Variants in TRAPPC14 observed in about 807,000 individuals in gnomAD.
TRAPPC14 encodes microtubule associated protein 11.
In TRAPPC14, 24 loss-of-function variants were observed where a neutral mutation model predicts 56.6. That is an observed-to-expected ratio of 0.42 (90% confidence interval 0.31 to 0.60). TRAPPC14 has a LOEUF of 0.60. Ranked by LOEUF, TRAPPC14 falls within the 20% of genes least tolerant of loss-of-function variation. The pLI, the probability that TRAPPC14 is intolerant of heterozygous loss-of-function variation, is 0.14. For missense variants in TRAPPC14, 615 were observed against 790.3 expected (o/e 0.78, Z 2.66); for synonymous variants, 377 against 347.0 (o/e 1.09, Z -0.96).
rs765088877 is a variant in TRAPPC14 at position 100,157,150 on chromosome 7, G to A, written c.789C>T (p.Asn263=). Residue 263 remains asparagine (N), a synonymous_variant, in exon 5 of 11, where the codon AAC becomes AAT. Coordinates refer to ENST00000316937, the MANE Select transcript of TRAPPC14 (RefSeq NM_018275.5). The part of the protein sequence containing the change: ...IWDIRILPNF[N]ASYLPVMPDG... ...CGGGCATGACAGGTAGATAACTGGC[G>A]TTGAAGTTGGGGAGGATTCGGATAT... 48 of 1,614,080 alleles carry A rather than the reference G, an allele frequency of 3.0e-5. No individual in the cohort carries two copies. The highest frequency in any genetic ancestry group is 6.7e-5 in the Admixed American group (4 of 60,006).
At chr7:100,157,817 A>T (rs746944525) in intron 2 of TRAPPC14, 26 bp downstream of exon 2, 4 of 1,613,232 alleles carry the variant, frequency 2.5e-6, no homozygotes, top group Non-Finnish European at 3.4e-6. Flanking sequence ...GAATTAGGAC[A>T]ATAGCTCCAC....
Position 100,158,619 on chromosome 7 carries a change from G to T in TRAPPC14, c.-120C>A. 1 of 1,041,844 alleles carries T rather than the reference G, an allele frequency of 9.6e-7. No individual in the cohort carries two copies. The highest frequency in any genetic ancestry group is 1.2e-6 in the Non-Finnish European group (1 of 810,356). The allele number at this position is 1,041,844 out of a possible 1,614,324, so 64.5% of individuals were successfully genotyped here. A position where few individuals can be genotyped will look rare whatever the true frequency, so the allele number is the denominator to read the frequency against. ...GCTGCTGCGCCCGGCTGGGGCGGCC[G>T]GAGAGACCGGCCCGGTCCCGGCACC... On this transcript the variant is annotated 5_prime_UTR_variant, in exon 1 of 11. Transcript: ENST00000316937.
chr7:100,156,556 G>A lies in TRAPPC14; in HGVS notation c.1077-7C>T. The stretch of plus-strand genomic sequence containing the variant: ...CAAGCGGACACTGGGCAGGCTAGGA[G>A]TGGTGAGAGAGGGATGCTGGCTGTG... On this transcript the variant is annotated splice_polypyrimidine_tract_variant and splice_region_variant and intron_variant, in intron 7 of 10. Coordinates refer to ENST00000316937, the MANE Select transcript of TRAPPC14 (RefSeq NM_018275.5). 6.2e-7 allele frequency: 1 copy of A among 1,614,030 alleles called. No homozygotes were observed. The highest frequency in any genetic ancestry group is 8.5e-7 in the Non-Finnish European group (1 of 1,179,912).
chr7:100,158,052 C>T (rs1302523718), intron 1 of TRAPPC14, 37 bp downstream of exon 1: 3 of 1,410,740 alleles, frequency 2.1e-6, no homozygotes, highest in African/African-American at 2.9e-5. Context: ...AGCAAACCGC[C>T]CCTCCGTCCT....
chr7:100,156,300 G>C (rs1798879773), intron 8 of TRAPPC14, 86 bp downstream of exon 8: 1 of 1,411,830 alleles, frequency 7.1e-7, no homozygotes, highest in Admixed American at 1.9e-5. Context: ...CACCAAATTT[G>C]GCTGTTTTCA....
chr7:100,158,184 C>T lies in TRAPPC14; in HGVS notation c.316G>A (p.Gly106Arg), dbSNP rs1798925114. Reference protein sequence around the residue: ...GAGDQDSEPPGGGDPGGGGLF... With the variant: ...GAGDQDSEPPRGGDPGGGGLF... ...CCCCCACCCCCAGGATCCCCTCCCC[C>T]TGGGGGCTCCGAATCCTGGTCGCCG... Residue 106 changes from glycine to arginine, a missense_variant, in exon 1 of 11, where the codon GGG (glycine) becomes AGG (arginine). Coordinates refer to ENST00000316937, the MANE Select transcript of TRAPPC14 (RefSeq NM_018275.5). 24 of 1,455,668 alleles carry T rather than the reference C, an allele frequency of 1.6e-5. No homozygotes were observed. The highest frequency in any genetic ancestry group is 2.1e-5 in the Non-Finnish European group (23 of 1,112,254). 90.2% of individuals were successfully genotyped at this position (1,455,668 alleles called of 1,614,324 possible). A position where few individuals can be genotyped will look rare whatever the true frequency, so the allele number is the denominator to read the frequency against.
chr7:100,158,600 G>T lies in TRAPPC14; in HGVS notation c.-101C>A. 8.5e-6 allele frequency: 10 copies of T among 1,177,130 alleles called. No individual in the cohort carries two copies. The highest frequency in any genetic ancestry group is 1.1e-5 in the Non-Finnish European group (10 of 932,732). The allele number at this position is 1,177,130 out of a possible 1,614,324, so 72.9% of individuals were successfully genotyped here. A position where few individuals can be genotyped will look rare whatever the true frequency, so the allele number is the denominator to read the frequency against. ...GAGGGTCCCGACACCTCCGGCTGCT[G>T]CGCCCGGCTGGGGCGGCCGGAGAGA... On this transcript the variant is annotated 5_prime_UTR_variant, in exon 1 of 11. Transcript: ENST00000316937.
In TRAPPC14 at chr7:100,157,088, C is replaced by T. The variant is rs777968611; in HGVS notation, c.845+6G>A. The T allele has an allele frequency of 6.2e-6, 10 of 1,614,024 alleles. No homozygotes were observed. The highest frequency in any genetic ancestry group is 7.6e-6 in the Non-Finnish European group (9 of 1,179,996). The stretch of plus-strand genomic sequence containing the variant: ...CTTCACAGCCTCGCCCCTCCCAGGA[C>T]CTCACCAGACATTGTCCACCAGCAG... On this transcript the variant is annotated splice_donor_region_variant and intron_variant, in intron 5 of 10. Coordinates refer to ENST00000316937, the MANE Select transcript of TRAPPC14 (RefSeq NM_018275.5).
Position 100,157,419 on chromosome 7 carries a change from T to TCTCAGAAC in TRAPPC14, c.670_677dup (p.Cys227PhefsTer2). 6.2e-7 allele frequency: 1 copy of TCTCAGAAC among 1,614,000 alleles called. No individual in the cohort carries two copies. Among genetic ancestry groups the TCTCAGAAC allele is most frequent in the Non-Finnish European group, 8.5e-7 (1 of 1,180,022 alleles). The stretch of plus-strand genomic sequence containing the variant: ...TTCCAGCCACAGTGAACTGCCGGCA[T>TCTCAGAAC]CTCAGAACCGGAGGGGGCAGCAGAG... On this transcript the variant is annotated stop_gained and frameshift_variant, in exon 4 of 11. Coordinates refer to ENST00000316937, the MANE Select transcript of TRAPPC14 (RefSeq NM_018275.5). LOFTEE classifies it high-confidence loss of function.
In TRAPPC14 at chr7:100,155,039, T is replaced by C; in HGVS notation, c.1715A>G (p.Lys572Arg). 1 of 1,614,064 alleles carries C rather than the reference T, an allele frequency of 6.2e-7. No homozygotes were observed. The highest frequency in any genetic ancestry group is 8.5e-7 in the Non-Finnish European group (1 of 1,179,982). ...SLDKIAKREC[K>R]VLVVEPVK ...CTTGACGGGTTCCACCACCAGGACCTTGCACTCGCGCTTGGCAATCTTGTC... is the reference window on the plus strand; with the variant it reads ...CTTGACGGGTTCCACCACCAGGACCCTGCACTCGCGCTTGGCAATCTTGTC... Residue 572 changes from lysine (K) to arginine (R), a missense_variant, in exon 11 of 11, where the codon AAG becomes AGG. Coordinates refer to ENST00000316937, the MANE Select transcript of TRAPPC14 (RefSeq NM_018275.5).
intron 1 of TRAPPC14, 27 bp downstream of exon 1, chr7:100,158,062 T>C: frequency 7.0e-7 from 1 of 1,431,480 alleles, no homozygotes; most frequent in Non-Finnish European, 9.2e-7. Flanking sequence ...CCCTCCGTCC[T>C]GTGCCAGGTC....
chr7:100,158,561 C>T lies in TRAPPC14; in HGVS notation c.-62G>A. ...GGAGGCCGACCGCCGGCGGGGCCCG[C>T]TAGGGTGGGTCCAGAGGGTCCCGAC... On this transcript the variant is annotated 5_prime_UTR_variant, in exon 1 of 11. Coordinates refer to ENST00000316937, the MANE Select transcript of TRAPPC14 (RefSeq NM_018275.5). 1 of 1,307,008 alleles carries T rather than the reference C, an allele frequency of 7.7e-7. No homozygotes were observed. Among genetic ancestry groups the T allele is most frequent in the Non-Finnish European group, 9.7e-7 (1 of 1,030,102 alleles). The allele number at this position is 1,307,008 out of a possible 1,614,324, so 81.0% of individuals were successfully genotyped here.
Position 100,154,628 on chromosome 7 carries a change from A to C in TRAPPC14, c.*383T>G. ...GGGCCCTTAGCCATCACCACCCTCT[A>C]ATCTCAGCCCTGCGGGAGGGAGGGA... On this transcript the variant is annotated 3_prime_UTR_variant, in exon 11 of 11. Coordinates refer to ENST00000316937, the MANE Select transcript of TRAPPC14 (RefSeq NM_018275.5). The C allele has an allele frequency of 3.6e-6, 1 of 281,642 alleles. No homozygotes were observed. Among genetic ancestry groups the C allele is most frequent in the East Asian group, 1.1e-4 (1 of 9,038 alleles). The allele number at this position is 281,642 out of a possible 1,614,324, so 17.4% of individuals were successfully genotyped here. A position where few individuals can be genotyped will look rare whatever the true frequency, so the allele number is the denominator to read the frequency against.
chr7:100,154,711 C>A lies in TRAPPC14; in HGVS notation c.*300G>T. 2.2e-6 allele frequency: 1 copy of A among 449,152 alleles called. No individual in the cohort carries two copies. Among genetic ancestry groups the A allele is most frequent in the Non-Finnish European group, 4.0e-6 (1 of 247,794 alleles). 27.8% of individuals were successfully genotyped at this position (449,152 alleles called of 1,614,324 possible). On this transcript the variant is annotated 3_prime_UTR_variant, in exon 11 of 11. Coordinates refer to ENST00000316937, the MANE Select transcript of TRAPPC14 (RefSeq NM_018275.5). ...GAATGAGGAAGAGACTTTGTAAACT[C>A]AGAACCAGGGTAAAGGGCCGGGGAC...
rs564257830 is a variant in TRAPPC14, at chr7:100,155,910, C to T, written c.1241-85G>A. 5 of 1,542,722 alleles carry T rather than the reference C, an allele frequency of 3.2e-6. No homozygotes were observed. In the African/African-American group the frequency reaches 5.4e-5, roughly 17 times the overall value. ...CGCCAGCACAGTCTCATCTGATTCT[C>T]AAAGCCACTCTGTGGAGTAAACTGA... On this transcript the variant is annotated intron_variant, in intron 8 of 10. Transcript: ENST00000316937.
At chr7:100,155,911 A>C in intron 8 of TRAPPC14, 86 bp from the exon 9 acceptor site, 298 of 1,534,002 alleles carry the variant, frequency 1.9e-4, no homozygotes, top group Non-Finnish European at 2.4e-4. Context: ...TCTGATTCTC[A>C]AAGCCACTCT....
rs371718723 is a variant in TRAPPC14, at chr7:100,157,188, T to C, written c.751A>G (p.Ile251Val). 68 of 1,614,036 alleles carry C rather than the reference T, an allele frequency of 4.2e-5. No homozygotes were observed. The Middle Eastern group carries it at 8.2e-4, about 20-fold the overall frequency. ...KVLNSSSQEEISIWDIRILPN... is the reference protein window; with the variant it reads ...KVLNSSSQEEVSIWDIRILPN... The stretch of plus-strand genomic sequence containing the variant: ...AGGATTCGGATATCCCAGATGGAGA[T>C]TTCCTCCTGAGAGGAGCTGTTCAGC... Residue 251 changes from isoleucine (I) to valine (V), a missense_variant, in exon 5 of 11, where the codon ATC (isoleucine) becomes GTC (valine). By Grantham distance (29) the Ile-to-Val change is conservative. Coordinates refer to ENST00000316937, the MANE Select transcript of TRAPPC14 (RefSeq NM_018275.5).
chr7:100,157,733 A>G lies in TRAPPC14; in HGVS notation c.537T>C (p.Ile179=), dbSNP rs1169189830. 7.4e-6 allele frequency: 12 copies of G among 1,614,198 alleles called. No individual in the cohort carries two copies. Among genetic ancestry groups the G allele is most frequent in the Non-Finnish European group, 9.3e-6 (11 of 1,180,044 alleles). The change falls in exon 3 of 11, where the codon ATT becomes ATC. Residue 179 remains isoleucine, a synonymous_variant. Coordinates refer to ENST00000316937, the MANE Select transcript of TRAPPC14 (RefSeq NM_018275.5). ...CTTGATCTCTGACCTCTGGTGCCTC[A>G]ATCTCCCGCTTCCACACAGTCACTA... ...KIVVTVWKRE[I]EAPEVRDQGY...
At position 100,156,920 on chromosome 7, in the gene TRAPPC14, C is replaced by A. The variant is rs780731877; in HGVS notation, c.918G>T (p.Pro306=). Residue 306 remains proline, a synonymous_variant, in exon 6 of 11, where the codon CCG becomes CCT. Transcript: ENST00000316937. ...AGTTGTGTTCCTCCAGGGCATTCAG[C>A]GGGCAGGGGAAGCAGCCAGAGGTCC... The part of the protein sequence containing the change: ...LPGTSGCFPC[P]LNALEEHNFL... 1 of 1,614,066 alleles carries A rather than the reference C, an allele frequency of 6.2e-7. No individual in the cohort carries two copies. The highest frequency in any genetic ancestry group is 1.1e-5 in the South Asian group (1 of 91,092).
Sources: gnomAD v4.1 joint callset for allele counts on GRCh38, gnomAD v4.1.1 for gene constraint, MANE v1.5 for transcripts, NCBI Gene and HGNC (gene_info 2026-07-23, HGNC 2026-07-21) for gene names.